RSPRY1: variants seen among roughly 807,000 people sequenced by gnomAD.
The protein encoded by RSPRY1 is ring finger and SPRY domain containing 1.
In RSPRY1, 23 loss-of-function variants were observed where a neutral mutation model predicts 73.1. That is an observed-to-expected ratio of 0.31 (90% CI 0.23 to 0.45). The LOEUF (loss-of-function observed/expected upper bound fraction) is 0.45. RSPRY1 is among the 20% of genes least tolerant of loss of function. The pLI is 1.00. For missense variants in RSPRY1, 448 were observed against 698.7 expected (o/e 0.64, Z 4.05); for synonymous variants, 226 against 251.4 (o/e 0.90, Z 0.95).
chr16:57,218,591 G>T (rs1322974669), intron 8 of RSPRY1, among the ~76,000 whole-genome samples: 1 of 151,740 alleles, frequency 6.6e-6, no homozygotes, highest in African/African-American at 2.4e-5. Context: ...CACGAAGTTT[G>T]TCTTTCTGTG....
At chr16:57,232,832 C>G (rs1256231062) in intron 13 of RSPRY1, among the ~76,000 whole-genome samples, 1 of 152,178 alleles carries the variant, frequency 6.6e-6, no homozygotes, top group Non-Finnish European at 1.5e-5. Context: ...TGAATAAGAA[C>G]AGCTGAATTC....
Position 57,199,687 on chromosome 16 carries a change from GA to G in RSPRY1, c.-155-4816del, listed in dbSNP as rs1157883361. The stretch of plus-strand genomic sequence containing the variant: ...GTATATTTTAAGGTTTCTAGATAAA[GA>G]TTTTTTTTTAATAAAATACAATTTC... On this transcript the variant is annotated intron_variant, in intron 1 of 14. Coordinates refer to ENST00000394420, the MANE Select transcript of RSPRY1 (RefSeq NM_133368.3). Among the ~76,000 whole-genome samples, 20 of 152,144 alleles carry G rather than the reference GA, an allele frequency of 1.3e-4. No homozygotes were observed. The East Asian group carries it at 3.5e-3, about 26-fold the overall frequency.
intron 8 of RSPRY1, 200 bp from the exon 9 acceptor site, chr16:57,220,532 C>T (rs1403747893): frequency 2.9e-6 from 1 of 347,512 alleles, no homozygotes; most frequent in African/African-American, 2.1e-5. Flanking sequence ...CTTTTTAGTT[C>T]TAATAGTTTT....
At chr16:57,223,558 T>G (rs2075073765) in intron 10 of RSPRY1, among the ~76,000 whole-genome samples, 1 of 152,162 alleles carries the variant, frequency 6.6e-6, no homozygotes, top group Non-Finnish European at 1.5e-5. Context: ...GGTGGGTGGA[T>G]CACTTAAGGT....
Position 57,197,219 on chromosome 16 carries a change from TA to T in RSPRY1, c.-155-7275del, listed in dbSNP as rs559639698. On this transcript the variant is annotated intron_variant, in intron 1 of 14. Coordinates refer to ENST00000394420, the MANE Select transcript of RSPRY1 (RefSeq NM_133368.3). Reference sequence around the variant, plus strand: ...TTGCCTGCAGTCCATCACTTCTCTGTAAAAAAAAAATACCATGAATGACAGC... The same window carrying T: ...TTGCCTGCAGTCCATCACTTCTCTGTAAAAAAAAATACCATGAATGACAGC... Among the ~76,000 whole-genome samples the T allele has an allele frequency of 6.8e-3, 1,018 of 149,086 alleles. 8 individuals carry two copies. Among genetic ancestry groups the T allele is most frequent in the South Asian group, 0.01 (49 of 4,710 alleles).
chr16:57,228,717 G>T (rs1162754475), intron 11 of RSPRY1, among the ~76,000 whole-genome samples: 3 of 152,054 alleles, frequency 2.0e-5, no homozygotes, highest in South Asian at 4.1e-4. Context: ...TTGAGACAGG[G>T]TCTCATCTAT....
intron 2 of RSPRY1, 55 bp downstream of exon 2, chr16:57,205,063 A>G: frequency 7.2e-7 from 1 of 1,392,220 alleles, no homozygotes; most frequent in Non-Finnish European, 9.9e-7. Context: ...TCTGCCCGGA[A>G]CCATGACTTT....
intron 1 of RSPRY1, among the ~76,000 whole-genome samples, chr16:57,188,336 A>G (rs1164365618): frequency 6.9e-6 from 1 of 144,162 alleles, no homozygotes; most frequent in African/African-American, 2.6e-5. Context: ...ATATCGGGCA[A>G]TCATTTCCTG....
rs1370354114 is a variant in RSPRY1, at chr16:57,227,469, A to G, written c.1273+16A>G. 9 of 1,565,102 alleles carry G rather than the reference A, an allele frequency of 5.8e-6. No individual in the cohort carries two copies. The South Asian group carries it at 6.7e-5, about 12-fold the overall frequency. The stretch of plus-strand genomic sequence containing the variant: ...TGGAAAGAAGGTATTCATTCCCTCC[A>G]TTATAAATTTATCAAGTGGGTTAAG... On this transcript the variant is annotated intron_variant, in intron 11 of 14. Coordinates refer to ENST00000394420, the MANE Select transcript of RSPRY1 (RefSeq NM_133368.3).
intron 10 of RSPRY1, among the ~76,000 whole-genome samples, chr16:57,222,453 G>C (rs1052054897): frequency 2.0e-5 from 3 of 152,168 alleles, no homozygotes; most frequent in Non-Finnish European, 4.4e-5. Flanking sequence ...TGGAATTGTT[G>C]ATGGTGTATT....
At chr16:57,186,238 G>T, upstream of RSPRY1, 1 of 930,276 alleles carries the variant, frequency 1.1e-6, no homozygotes, top group Non-Finnish European at 1.3e-6. Context: ...TTTGAAAGGT[G>T]ATTGGCTGTC....
chr16:57,200,979 C>T (rs1363756487), intron 1 of RSPRY1, among the ~76,000 whole-genome samples: 1 of 95,848 alleles, frequency 1.0e-5, no homozygotes, highest in Non-Finnish European at 2.3e-5. Flanking sequence ...CCCCACCTCC[C>T]TCCCGGACGG....
At chr16:57,232,373 G>C (rs1019437730) in intron 13 of RSPRY1, among the ~76,000 whole-genome samples, 8 of 152,288 alleles carry the variant, frequency 5.3e-5, no homozygotes, top group South Asian at 4.2e-4. Flanking sequence ...CAGAGCCTCA[G>C]TAATAGCCCA....
chr16:57,231,392 C>A, intron 13 of RSPRY1, 73 bp downstream of exon 13: 1 of 1,396,624 alleles, frequency 7.2e-7, no homozygotes. Flanking sequence ...TTATAATCAA[C>A]GTTAAAAGAA....
chr16:57,186,775 A>G lies in RSPRY1; in HGVS notation c.-156+324A>G, dbSNP rs77056538. ...CGCCCTTCTGAGGAGGCTGCGGCTAACAGGGCCCAGGTGAGAGGCAGCTAT... is the reference window on the plus strand; with the variant it reads ...CGCCCTTCTGAGGAGGCTGCGGCTAGCAGGGCCCAGGTGAGAGGCAGCTAT... On this transcript the variant is annotated intron_variant, in intron 1 of 14. Coordinates refer to ENST00000394420, the MANE Select transcript of RSPRY1 (RefSeq NM_133368.3). The G allele has an allele frequency of 2.4e-3, 365 of 152,416 alleles. 12 individuals are homozygous for G. In the East Asian group the frequency reaches 0.059, roughly 25 times the overall value. The allele number at this position is 152,416 out of a possible 1,614,324, so 9.4% of individuals were successfully genotyped here. A position where few individuals can be genotyped will look rare whatever the true frequency, so the allele number is the denominator to read the frequency against.
chr16:57,190,631 A>C (rs577101732), intron 1 of RSPRY1, among the ~76,000 whole-genome samples: 1 of 152,250 alleles, frequency 6.6e-6, no homozygotes, highest in Non-Finnish European at 1.5e-5. Flanking sequence ...AAGCAGAATA[A>C]TCACGAAGTA....
At chr16:57,228,785 CAGG>C (rs1406429060) in intron 11 of RSPRY1, among the ~76,000 whole-genome samples, 1 of 152,154 alleles carries the variant, frequency 6.6e-6, no homozygotes, top group African/African-American at 2.4e-5. Context: ...CTTGACCTCC[CAGG>C]CACAATCCAT....
At chr16:57,199,900 T>G (rs1248881235) in intron 1 of RSPRY1, among the ~76,000 whole-genome samples, 2 of 150,648 alleles carry the variant, frequency 1.3e-5, no homozygotes, top group East Asian at 1.9e-4. Context: ...TGTTTGTTTT[T>G]TTTTTTCTTT....
rs527572576 is a variant in RSPRY1 at position 57,212,908 on chromosome 16, A to G, written c.517-64A>G. ...TTATAGCTTTTGTCTCAAAAAAAAA[A>G]TGAGCCTGGGAAAACAACCTGTGTA... On this transcript the variant is annotated intron_variant, in intron 4 of 14. Transcript: ENST00000394420. The G allele has an allele frequency of 3.3e-6, 5 of 1,534,126 alleles. No homozygotes were observed. In the South Asian group the frequency reaches 5.0e-5, roughly 15 times the overall value.
Sources: allele counts gnomAD v4.1 joint callset (sites outside exome capture counted in the v4.1 genomes callset), GRCh38; gene constraint gnomAD v4.1.1; transcripts MANE v1.5; gene names NCBI Gene and HGNC (gene_info 2026-07-23, HGNC 2026-07-21).